Variants in COMMD9 observed in about 807,000 individuals in gnomAD.
The protein encoded by COMMD9 is COMM domain-containing protein 9.
Under a neutral mutation model 23.4 loss-of-function variants are expected in COMMD9, and 22 were observed. The observed-to-expected ratio is 0.94, with a 90% CI of 0.67 to 1.34. COMMD9 has a LOEUF of 1.34. COMMD9 is among the 40% of genes most tolerant of loss of function. COMMD9 has a pLI of 0.00. For synonymous variants in COMMD9, 99 were observed against 97.4 expected, an observed-to-expected ratio of 1.02 and a Z score of -0.10; for missense variants, 231 against 240.2, an observed-to-expected ratio of 0.96 and a Z score of 0.25.
rs1411007527 is a variant in COMMD9 at position 36,274,484 on chromosome 11, A to T, written c.*148T>A. On this transcript the variant is annotated 3_prime_UTR_variant, in exon 6 of 6. Coordinates refer to ENST00000263401, the MANE Select transcript of COMMD9 (RefSeq NM_014186.4). The stretch of plus-strand genomic sequence containing the variant: ...GATCTGGCTGCTTCTTCCCAATCCA[A>T]CTGTAACTTCTGGATGGCAGTAGCC... The T allele has an allele frequency of 1.0e-6, 1 of 981,750 alleles. No individual in the cohort carries two copies. Among genetic ancestry groups the T allele is most frequent in the Non-Finnish European group, 1.6e-6 (1 of 625,230 alleles). 60.8% of individuals were successfully genotyped at this position (981,750 alleles called of 1,614,324 possible).
At chr11:36,285,199 A>T (rs1228102064) in intron 1 of COMMD9, among the ~76,000 whole-genome samples, 1 of 152,196 alleles carries the variant, frequency 6.6e-6, no homozygotes, top group African/African-American at 2.4e-5. Flanking sequence ...TCCTGCAGAC[A>T]TCAAAAGGAT....
In COMMD9 at chr11:36,274,064, T is replaced by C; in HGVS notation, c.*568A>G. 6.3e-6 allele frequency: 2 copies of C among 319,014 alleles called. No homozygotes were observed. Among genetic ancestry groups the C allele is most frequent in the South Asian group, 2.6e-5 (1 of 37,740 alleles). The allele number at this position is 319,014 out of a possible 1,614,324, so 19.8% of individuals were successfully genotyped here. The stretch of plus-strand genomic sequence containing the variant: ...GCCCTGGTTTCATGAAGAAGGGAAT[T>C]AGCACCCATTTCAGACTTCCTACAC... On this transcript the variant is annotated 3_prime_UTR_variant, in exon 6 of 6. Coordinates refer to ENST00000263401, the MANE Select transcript of COMMD9 (RefSeq NM_014186.4).
At chr11:36,278,433 GA>G in intron 3 of COMMD9, 43 bp downstream of exon 3, 1 of 1,536,348 alleles carries the variant, frequency 6.5e-7, no homozygotes, top group Non-Finnish European at 9.0e-7. Context: ...AAAATAATAA[GA>G]AATGTAAAAG....
intron 3 of COMMD9, chr11:36,278,158 A>C (rs1856005966): frequency 8.5e-6 from 2 of 235,984 alleles, no homozygotes; most frequent in African/African-American, 4.7e-5. Flanking sequence ...ATTGACGTGA[A>C]ATTTCACTAT....
rs376886745 is a variant in COMMD9, at chr11:36,274,282, T to C, written c.*350A>G. 48 of 512,634 alleles carry C rather than the reference T, an allele frequency of 9.4e-5. 1 individual carries two copies. Among genetic ancestry groups the C allele is most frequent in the South Asian group, 7.4e-4 (48 of 65,046 alleles). The allele number at this position is 512,634 out of a possible 1,614,324, so 31.8% of individuals were successfully genotyped here. On this transcript the variant is annotated 3_prime_UTR_variant, in exon 6 of 6. Transcript: ENST00000263401. ...GTTGGAAATAAACTTACTTATTGGA[T>C]AGGCTGCATGATTTGGGCCTGAATT...
intron 1 of COMMD9, among the ~76,000 whole-genome samples, chr11:36,282,621 C>A (rs1338177702): frequency 1.3e-5 from 2 of 152,028 alleles, no homozygotes; most frequent in African/African-American, 4.8e-5. Context: ...ATATCTGTCA[C>A]AAGACCTGCC....
rs1856199145 is a variant in COMMD9, at chr11:36,287,885, G to T, written c.51+1477C>A. On this transcript the variant is annotated intron_variant, in intron 1 of 5. Coordinates refer to ENST00000263401, the MANE Select transcript of COMMD9 (RefSeq NM_014186.4). ...AACATTTCATTTTTTGACTTTGGTG[G>T]TGGTTACATTGGTGTGTAATAAATC... Among the ~76,000 whole-genome samples the T allele has an allele frequency of 3.3e-5, 5 of 152,166 alleles. No homozygotes were observed. The South Asian group carries it at 1.0e-3, about 31-fold the overall frequency.
intron 1 of COMMD9, among the ~76,000 whole-genome samples, chr11:36,283,797 T>G (rs1856105196): frequency 6.6e-6 from 1 of 152,222 alleles, no homozygotes; most frequent in African/African-American, 2.4e-5. Context: ...AAAATATGAC[T>G]CAAATGCTAT....
chr11:36,279,484 G>A (rs1012378325), intron 2 of COMMD9, among the ~76,000 whole-genome samples: 2 of 152,192 alleles, frequency 1.3e-5, no homozygotes, highest in African/African-American at 4.8e-5. Context: ...GAAGTGAAGG[G>A]AAGTTAACCT....
rs921530049 is a variant in COMMD9, at chr11:36,274,656, T to C, written c.573A>G (p.Gln191=). ...MLDGLGRIRD[Q]LSAVASK ...ATCATTTACTGGCCACGGCAGAGAG[T>C]TGGTCTCGGATGCGGCCCAGGCCAT... Residue 191 remains glutamine (Q), a synonymous_variant, in exon 6 of 6, where the codon CAA becomes CAG. Transcript: ENST00000263401. 6.2e-7 allele frequency: 1 copy of C among 1,614,088 alleles called. No homozygotes were observed. The highest frequency in any genetic ancestry group is 2.2e-5 in the East Asian group (1 of 44,882).
chr11:36,283,966 C>A (rs1856107805), intron 1 of COMMD9, among the ~76,000 whole-genome samples: 1 of 152,056 alleles, frequency 6.6e-6, no homozygotes, highest in African/African-American at 2.4e-5. Context: ...ATTAGCCAGG[C>A]ATGGTGGCAC....
intron 1 of COMMD9, among the ~76,000 whole-genome samples, chr11:36,286,415 A>AAAG (rs1856157045): frequency 5.2e-5 from 2 of 38,648 alleles, no homozygotes; most frequent in Non-Finnish European, 1.2e-4. Context: ...AAAAAAAAAG[A>AAAG]AAGAAAGAAA....
At chr11:36,286,116 T>G (rs1590406870) in intron 1 of COMMD9, among the ~76,000 whole-genome samples, 1 of 152,310 alleles carries the variant, frequency 6.6e-6, no homozygotes, top group Non-Finnish European at 1.5e-5. Flanking sequence ...GTAAATAACA[T>G]GATTTTCCAT....
chr11:36,288,161 G>C (rs1183032052), intron 1 of COMMD9, among the ~76,000 whole-genome samples: 2 of 152,150 alleles, frequency 1.3e-5, no homozygotes, highest in East Asian at 3.9e-4. Context: ...TGTGTGCCAG[G>C]TATTATTGTT....
intron 1 of COMMD9, 117 bp from the exon 2 acceptor site, chr11:36,280,954 T>C: frequency 9.3e-7 from 1 of 1,075,812 alleles, no homozygotes; most frequent in Non-Finnish European, 1.3e-6. Context: ...TAAAGGTACA[T>C]AAGACTTTGG....
intron 1 of COMMD9, among the ~76,000 whole-genome samples, chr11:36,281,657 C>G (rs1340694579): frequency 6.6e-6 from 1 of 152,182 alleles, no homozygotes; most frequent in Non-Finnish European, 1.5e-5. Flanking sequence ...ACCCCCTTCC[C>G]CTGCCTAAGC....
intron 1 of COMMD9, among the ~76,000 whole-genome samples, chr11:36,286,410 AAAAGAAAGAAAGAAAGAAAG>A (rs1179106289): frequency 4.8e-5 from 5 of 104,824 alleles, no homozygotes; most frequent in Non-Finnish European, 9.1e-5. Flanking sequence ...AAAAAAAAAA[AAAAGAAAGAAAGAAAGAAAG>A]AAAGAAAAGA....
At chr11:36,277,427 A>T (rs1040097860) in intron 3 of COMMD9, among the ~76,000 whole-genome samples, 6 of 152,234 alleles carry the variant, frequency 3.9e-5, no homozygotes, top group Admixed American at 1.3e-4. Flanking sequence ...GACAAAACAG[A>T]AAAAAAGGTC....
chr11:36,286,614 A>C (rs1856163705), intron 1 of COMMD9, among the ~76,000 whole-genome samples: 1 of 151,982 alleles, frequency 6.6e-6, no homozygotes, highest in Non-Finnish European at 1.5e-5. Context: ...ACAAACAAAC[A>C]AACAAACCAA....
Sources: gnomAD v4.1 joint callset for allele counts (sites outside exome capture counted in the v4.1 genomes callset) on GRCh38, gnomAD v4.1.1 for gene constraint, MANE v1.5 for transcripts, NCBI Gene and HGNC (gene_info 2026-07-23, HGNC 2026-07-21) for gene names.